BCAS4: variants seen among roughly 807,000 people sequenced by gnomAD.
The protein encoded by BCAS4 is breast carcinoma amplified sequence 4, also known as breast carcinoma-amplified sequence 4.
BCAS4 carries 9 observed loss-of-function variants against 15.7 expected under a neutral mutation model. The ratio of observed to expected loss-of-function variants is 0.57; its 90% CI spans 0.34 to 1.00. The LOEUF (loss-of-function observed/expected upper bound fraction) is 1.00, where lower values mean the gene tolerates loss of function less well. Ranked by LOEUF, BCAS4 falls within the 50% of genes least tolerant of loss-of-function variation. BCAS4 has a pLI of 0.02. For synonymous variants in BCAS4, 101 were observed against 99.5 expected (o/e 1.02, Z -0.09); for missense variants, 225 against 239.1 (o/e 0.94, Z 0.39).
chr20:50,824,239 C>G (rs1033320943), intron 2 of BCAS4, among the ~76,000 whole-genome samples: 1 of 152,262 alleles, frequency 6.6e-6, no homozygotes, highest in Non-Finnish European at 1.5e-5. Context: ...AGTCTTACTT[C>G]GCTCACATAA....
chr20:50,846,495 C>T (rs746133382), intron 4 of BCAS4, among the ~76,000 whole-genome samples: 6 of 151,592 alleles, frequency 4.0e-5, no homozygotes, highest in African/African-American at 1.5e-4. Context: ...GAGATCTTAA[C>T]GTTATTTTGA....
intron 4 of BCAS4, among the ~76,000 whole-genome samples, chr20:50,875,420 C>T (rs1979873100): frequency 1.3e-5 from 2 of 152,152 alleles, no homozygotes; most frequent in Non-Finnish European, 1.5e-5. Context: ...AAGAGTAGCA[C>T]ATGCCTATGG....
chr20:50,861,640 G>T (rs895178749), intron 4 of BCAS4, among the ~76,000 whole-genome samples: 1 of 152,088 alleles, frequency 6.6e-6, no homozygotes, highest in Admixed American at 6.5e-5. Flanking sequence ...TTGCTTGGGC[G>T]CAGAGAGTCC....
chr20:50,871,997 C>T (rs568317245), intron 4 of BCAS4, among the ~76,000 whole-genome samples: 4 of 152,150 alleles, frequency 2.6e-5, no homozygotes, highest in Non-Finnish European at 4.4e-5. Context: ...TGGTGGCTCA[C>T]GCCTGTAATC....
chr20:50,844,267 C>A (rs1237077606), intron 4 of BCAS4, among the ~76,000 whole-genome samples: 1 of 151,828 alleles, frequency 6.6e-6, no homozygotes, highest in Admixed American at 6.6e-5. Context: ...CAAAGCAAGA[C>A]CTTGTCTCTA....
At chr20:50,856,716 G>A (rs1001051187) in intron 4 of BCAS4, among the ~76,000 whole-genome samples, 2 of 152,216 alleles carry the variant, frequency 1.3e-5, no homozygotes, top group Non-Finnish European at 2.9e-5. Context: ...TGCTTGGAGA[G>A]ACATGGGGGC....
rs1443295457 is a variant in BCAS4 at position 50,876,533 on chromosome 20, T to C, written c.447T>C (p.Tyr149=). ...TGACGTACGAGCTGCCCACACTGTA[T>C]AGGACGGAGGACTATTTTCCTGTGG... ...VPVTYELPTL[Y]RTEDYFPVDA... Residue 149 remains tyrosine (Y), a synonymous_variant, in exon 5 of 5, where the codon TAT becomes TAC. Transcript: ENST00000371608. 1 of 1,614,018 alleles carries C rather than the reference T, an allele frequency of 6.2e-7. No homozygotes were observed. Among genetic ancestry groups the C allele is most frequent in the South Asian group, 1.1e-5 (1 of 91,076 alleles).
chr20:50,795,169 C>A lies in BCAS4; in HGVS notation c.86C>A (p.Ala29Asp). The A allele has an allele frequency of 6.9e-7, 1 of 1,444,994 alleles. No homozygotes were observed. The highest frequency in any genetic ancestry group is 9.1e-7 in the Non-Finnish European group (1 of 1,093,044). 89.5% of individuals were successfully genotyped at this position (1,444,994 alleles called of 1,614,324 possible). Reference protein sequence around the residue: ...LALFLTPEPGAEAKEVEETIE... With the variant: ...LALFLTPEPGDEAKEVEETIE... Reference sequence around the variant, plus strand: ...CTCTTCCTGACCCCCGAGCCTGGGGCCGAGGTAGGGGACGGGGCTGTGGAG... The same window carrying A: ...CTCTTCCTGACCCCCGAGCCTGGGGACGAGGTAGGGGACGGGGCTGTGGAG... Residue 29 changes from alanine to aspartate, a missense_variant, in exon 1 of 5, where the codon GCC becomes GAC. Transcript: ENST00000371608.
chr20:50,840,452 C>T (rs938080716), intron 3 of BCAS4: 11 of 843,530 alleles, frequency 1.3e-5, no homozygotes, highest in Admixed American at 5.7e-5. Flanking sequence ...GAGAGGCAGT[C>T]GCGGCCTTCG....
intron 4 of BCAS4, among the ~76,000 whole-genome samples, chr20:50,849,146 G>T (rs2088580984): frequency 6.6e-6 from 1 of 152,276 alleles, no homozygotes; most frequent in Non-Finnish European, 1.5e-5. Context: ...GCACAGAGCA[G>T]CCTCACTAAT....
intron 2 of BCAS4, among the ~76,000 whole-genome samples, chr20:50,819,294 C>T (rs906847498): frequency 6.6e-6 from 1 of 152,152 alleles, no homozygotes; most frequent in Non-Finnish European, 1.5e-5. Flanking sequence ...TAGAAGCTCC[C>T]AAGCTTATTA....
intron 4 of BCAS4, among the ~76,000 whole-genome samples, chr20:50,849,101 C>T (rs531240818): frequency 3.3e-5 from 5 of 152,396 alleles, no homozygotes; most frequent in South Asian, 2.1e-4. Flanking sequence ...CTGACCATGC[C>T]AGGCCGGCCC....
chr20:50,818,316 C>CTGG (rs376032771), intron 2 of BCAS4, 34 bp downstream of exon 2: 159 of 1,595,864 alleles, frequency 1.0e-4, no homozygotes, highest in Admixed American at 1.2e-4. Flanking sequence ...GGGTTTAGGC[C>CTGG]CAGGCCAGAC....
At chr20:50,840,750 G>A (rs1452466550) in intron 3 of BCAS4, 1 of 1,608,410 alleles carries the variant, frequency 6.2e-7, no homozygotes, top group Non-Finnish European at 8.5e-7. Flanking sequence ...TGTCAGACAT[G>A]GTTACGGAGG....
chr20:50,838,165 T>G (rs2088433180), intron 3 of BCAS4, among the ~76,000 whole-genome samples: 1 of 152,246 alleles, frequency 6.6e-6, no homozygotes, highest in Admixed American at 6.5e-5. Context: ...ATTCATTCAT[T>G]CATGCACGTG....
At chr20:50,861,976 C>T (rs1223975852) in intron 4 of BCAS4, among the ~76,000 whole-genome samples, 1 of 151,566 alleles carries the variant, frequency 6.6e-6, no homozygotes, top group East Asian at 1.9e-4. Context: ...GCCTCAGCCT[C>T]CCACATAGCT....
Position 50,841,781 on chromosome 20 carries a change from G to A in BCAS4, c.280G>A (p.Val94Ile), listed in dbSNP as rs142613237. 6.2e-7 allele frequency: 1 copy of A among 1,613,998 alleles called. No individual in the cohort carries two copies. Among genetic ancestry groups the A allele is most frequent in the Non-Finnish European group, 8.5e-7 (1 of 1,180,012 alleles). Reference sequence around the variant, plus strand: ...TGTCCCTCAGGCCTTCGTCAAGATGGTTGGACACCACGTCGCCTTCCTGGA... The same window carrying A: ...TGTCCCTCAGGCCTTCGTCAAGATGATTGGACACCACGTCGCCTTCCTGGA... ...VDRLEAFVKM[V>I]GHHVAFLEAD... Residue 94 changes from valine (V) to isoleucine (I), a missense_variant, in exon 4 of 5, where the codon GTT becomes ATT. Physicochemically the swap from Val to Ile is conservative, Grantham distance 29. Transcript: ENST00000371608.
chr20:50,876,443 T>C (rs764647322), intron 4 of BCAS4, 43 bp from the exon 5 acceptor site: 2 of 1,606,700 alleles, frequency 1.2e-6, no homozygotes, highest in East Asian at 4.5e-5. Flanking sequence ...ATGGAACAAG[T>C]GGATCCAAAT....
At chr20:50,818,095 A>G in intron 1 of BCAS4, 116 bp from the exon 2 acceptor site, 5 of 920,848 alleles carry the variant, frequency 5.4e-6, no homozygotes, top group Non-Finnish European at 8.4e-6. Context: ...GGGGTCGAGC[A>G]GGAACCGGGC....
Sources: allele counts gnomAD v4.1 joint callset (sites outside exome capture counted in the v4.1 genomes callset), GRCh38; gene constraint gnomAD v4.1.1; transcripts MANE v1.5; gene names NCBI Gene and HGNC (gene_info 2026-07-23, HGNC 2026-07-21).